The following MACROD2 variants were observed in gnomAD, a reference collection of about 807,000 sequenced individuals.
MACROD2 encodes the protein ADP-ribose glycohydrolase MACROD2.
MACROD2 carries 36 observed loss-of-function variants against 70.4 expected under a neutral mutation model. The observed-to-expected ratio is 0.51, with a 90% CI of 0.39 to 0.68. MACROD2 has a LOEUF of 0.68. Ranked by LOEUF, MACROD2 falls within the 30% of genes least tolerant of loss-of-function variation. MACROD2 has a pLI of 0.00. For synonymous variants in MACROD2, 172 were observed against 178.8 expected, an observed-to-expected ratio of 0.96 and a Z score of 0.30; for missense variants, 496 against 538.4, an observed-to-expected ratio of 0.92 and a Z score of 0.78.
chr20:15,734,899 T>C (rs1397311459), intron 8 of MACROD2, among the ~76,000 whole-genome samples: 1 of 152,198 alleles, frequency 6.6e-6, no homozygotes, highest in Non-Finnish European at 1.5e-5. Flanking sequence ...AATAACTATC[T>C]TGAATTGTAA....
At chr20:15,335,743 AC>A (rs1465782328) in intron 6 of MACROD2, among the ~76,000 whole-genome samples, 1 of 151,716 alleles carries the variant, frequency 6.6e-6, no homozygotes, top group Non-Finnish European at 1.5e-5. Flanking sequence ...TTATGTAGAA[AC>A]ACACACACGC....
intron 3 of MACROD2, among the ~76,000 whole-genome samples, chr20:14,115,765 T>C (rs994075013): frequency 6.6e-6 from 1 of 152,174 alleles, no homozygotes; most frequent in Non-Finnish European, 1.5e-5. Context: ...AATGGCCATT[T>C]ATGGTAAAAC....
chr20:14,169,559 C>G (rs1442068169), intron 3 of MACROD2, among the ~76,000 whole-genome samples: 1 of 152,126 alleles, frequency 6.6e-6, no homozygotes, highest in African/African-American at 2.4e-5. Context: ...CTGCCTCAGC[C>G]TCCCAAAGTG....
chr20:14,008,579 AACT>A (rs2052854312), intron 2 of MACROD2, among the ~76,000 whole-genome samples: 1 of 152,210 alleles, frequency 6.6e-6, no homozygotes, highest in African/African-American at 2.4e-5. Flanking sequence ...ATTCCTATTA[AACT>A]ACTATCAACA....
intron 5 of MACROD2, among the ~76,000 whole-genome samples, chr20:14,726,670 T>C (rs2071533897): frequency 6.6e-6 from 1 of 152,200 alleles, no homozygotes; most frequent in Non-Finnish European, 1.5e-5. Context: ...AGCATTATTG[T>C]CTTGCTTTTA....
At chr20:14,063,423 T>C (rs2053713944) in intron 2 of MACROD2, among the ~76,000 whole-genome samples, 1 of 152,338 alleles carries the variant, frequency 6.6e-6, no homozygotes, top group South Asian at 2.1e-4. Context: ...GGCACATCCA[T>C]ATGCTGGCTT....
At chr20:15,601,516 G>A (rs2048819698) in intron 8 of MACROD2, among the ~76,000 whole-genome samples, 1 of 152,174 alleles carries the variant, frequency 6.6e-6, no homozygotes, top group South Asian at 2.1e-4. Context: ...TGAAAGATAT[G>A]ATTTAATAGA....
At chr20:15,711,446 C>A (rs1036208077) in intron 8 of MACROD2, among the ~76,000 whole-genome samples, 1 of 152,224 alleles carries the variant, frequency 6.6e-6, no homozygotes, top group African/African-American at 2.4e-5. Context: ...CTAACCAAGC[C>A]TTAACTGTCA....
At chr20:14,520,340 G>A (rs1351347771) in intron 4 of MACROD2, among the ~76,000 whole-genome samples, 8 of 152,038 alleles carry the variant, frequency 5.3e-5, no homozygotes, top group Admixed American at 2.0e-4. Context: ...GAAAACTCAA[G>A]AAAACCATCA....
chr20:16,022,047 C>CTTTTTT (rs543662575), intron 15 of MACROD2, among the ~76,000 whole-genome samples: 31 of 108,938 alleles, frequency 2.8e-4, no homozygotes, highest in East Asian at 5.5e-4. Context: ...GTTTCAGTTT[C>CTTTTTT]TTTTTTTTTT....
At chr20:15,847,354 A>G (rs1478516717) in intron 8 of MACROD2, among the ~76,000 whole-genome samples, 2 of 152,194 alleles carry the variant, frequency 1.3e-5, no homozygotes, top group Non-Finnish European at 1.5e-5. Context: ...CCAATATGCC[A>G]ATTCCATTTG....
At chr20:15,699,610 A>G (rs2050426464) in intron 8 of MACROD2, among the ~76,000 whole-genome samples, 2 of 152,140 alleles carry the variant, frequency 1.3e-5, no homozygotes, top group South Asian at 4.1e-4. Flanking sequence ...GTCCCCTGCC[A>G]CAGCCCCGAG....
intron 3 of MACROD2, among the ~76,000 whole-genome samples, chr20:14,105,629 A>G (rs2054359142): frequency 6.6e-6 from 1 of 152,202 alleles, no homozygotes; most frequent in Non-Finnish European, 1.5e-5. Context: ...GCTTGGAGCC[A>G]GTGAACTAGG....
At chr20:14,384,491 T>A (rs1266007442) in intron 3 of MACROD2, among the ~76,000 whole-genome samples, 1 of 152,154 alleles carries the variant, frequency 6.6e-6, no homozygotes, top group Non-Finnish European at 1.5e-5. Flanking sequence ...TTTGATGTCC[T>A]CTGGTGTAGA....
chr20:15,830,418 A>G (rs979715438), intron 8 of MACROD2, among the ~76,000 whole-genome samples: 3 of 152,222 alleles, frequency 2.0e-5, no homozygotes, highest in Non-Finnish European at 4.4e-5. Context: ...CTAAAATTCC[A>G]TAGCCAGGGT....
intron 6 of MACROD2, among the ~76,000 whole-genome samples, chr20:15,413,943 A>G (rs1157042001): frequency 6.6e-6 from 1 of 152,190 alleles, no homozygotes; most frequent in Non-Finnish European, 1.5e-5. Flanking sequence ...CCATGCTATT[A>G]TATATGTATA....
At chr20:14,796,351 G>C (rs2072509813) in intron 5 of MACROD2, among the ~76,000 whole-genome samples, 1 of 151,948 alleles carries the variant, frequency 6.6e-6, no homozygotes, top group South Asian at 2.1e-4. Flanking sequence ...AACCAGGCTG[G>C]GAAAGCCAGT....
At chr20:16,037,243 C>T (rs1321647161) in intron 15 of MACROD2, among the ~76,000 whole-genome samples, 1 of 151,992 alleles carries the variant, frequency 6.6e-6, no homozygotes, top group African/African-American at 2.4e-5. Flanking sequence ...CTCTCTCTCA[C>T]CTAACTTTTG....
At chr20:14,450,184 A>C (rs1192729491) in intron 3 of MACROD2, among the ~76,000 whole-genome samples, 1 of 152,132 alleles carries the variant, frequency 6.6e-6, no homozygotes, top group Non-Finnish European at 1.5e-5. Flanking sequence ...TTATTAATAC[A>C]ATGACAATAT....
Sources: gnomAD v4.1 joint callset for allele counts (sites outside exome capture counted in the v4.1 genomes callset) on GRCh38, gnomAD v4.1.1 for gene constraint, MANE v1.5 for transcripts, NCBI Gene and HGNC (gene_info 2026-07-23, HGNC 2026-07-21) for gene names.